The following DNAH12 variants were observed in gnomAD, a reference collection of about 807,000 sequenced individuals.
The protein encoded by DNAH12 is dynein axonemal heavy chain 12, also known as axonemal beta dynein heavy chain 12.
DNAH12 carries 285 observed loss-of-function variants against 371.5 expected under a neutral mutation model. The ratio of observed to expected loss-of-function variants is 0.77; its 90% confidence interval spans 0.70 to 0.85. The LOEUF is 0.85. Ranked by LOEUF, DNAH12 falls within the 40% of genes least tolerant of loss-of-function variation. DNAH12 has a pLI of 0.00. For synonymous variants in DNAH12, 1,200 were observed against 1,213.0 expected (o/e 0.99, Z 0.22); for missense variants, 3,611 against 3,689.4 (o/e 0.98, Z 0.55).
intron 37 of DNAH12, among the ~76,000 whole-genome samples, chr3:57,417,212 T>TGTGCCATC (rs1280500867): frequency 4.3e-5 from 5 of 117,548 alleles, no homozygotes; most frequent in African/African-American, 1.8e-4. Flanking sequence ...ATTGTGCCAT[T>TGTGCCATC]GCACTCCAGC....
At chr3:57,477,710 C>T (rs1168514698) in intron 13 of DNAH12, among the ~76,000 whole-genome samples, 2 of 152,146 alleles carry the variant, frequency 1.3e-5, no homozygotes, top group Admixed American at 6.5e-5. Context: ...CGGCCGGGTA[C>T]TCTTCTGAGA....
intron 37 of DNAH12, among the ~76,000 whole-genome samples, chr3:57,419,140 ACTTATGAGGCAG>A (rs2064484608): frequency 1.3e-5 from 2 of 152,226 alleles, no homozygotes; most frequent in Admixed American, 1.3e-4. Context: ...ATGTAAGGCA[ACTTATGAGGCAG>A]CAAAGTATGA....
chr3:57,315,118 C>T (rs2061658914), intron 65 of DNAH12, among the ~76,000 whole-genome samples: 1 of 151,920 alleles, frequency 6.6e-6, no homozygotes, highest in Admixed American at 6.6e-5. Context: ...GTGGCATCCC[C>T]GTGTCTGTGA....
intron 17 of DNAH12, among the ~76,000 whole-genome samples, chr3:57,463,898 AC>A (rs1324702793): frequency 1.7e-4 from 26 of 151,810 alleles, no homozygotes. Context: ...CTCCCAAGTA[AC>A]TGGGATTACA....
intron 29 of DNAH12, among the ~76,000 whole-genome samples, chr3:57,438,918 C>CAAAAAAAAAAA (rs57608649): frequency 0.082 from 7,639 of 93,498 alleles, 793 homozygotes; most frequent in African/African-American, 0.18. Flanking sequence ...CTGTCTCAGA[C>CAAAAAAAAAAA]AAAAAAAAAA....
chr3:57,434,384 G>A (rs746705400), intron 30 of DNAH12, among the ~76,000 whole-genome samples: 3 of 152,184 alleles, frequency 2.0e-5, no homozygotes, highest in Admixed American at 6.5e-5. Context: ...GACCCACAAC[G>A]TTGAGGTGGT....
In DNAH12 at chr3:57,403,345, C is replaced by T; in HGVS notation, c.6912G>A (p.Lys2304=). The T allele has an allele frequency of 6.4e-7, 1 of 1,550,976 alleles. No individual in the cohort carries two copies. Among genetic ancestry groups the T allele is most frequent in the Non-Finnish European group, 8.7e-7 (1 of 1,146,712 alleles). The change falls in exon 43 of 74, where the codon AAG becomes AAA. Residue 2304 remains lysine, a synonymous_variant. Transcript: ENST00000495027. The part of the protein sequence containing the change: ...KMHIFQPEIS[K]SYGMNEWRED... ...CTCTCCATTCATTCATACCATAGCT[C>T]TTAGAAATTTCTGGTTGGAAAATAT... is the stretch of plus-strand genomic sequence containing the variant.
rs776475351 is a variant in DNAH12 at position 57,471,499 on chromosome 3, T to C, written c.1884A>G (p.Glu628=). The part of the protein sequence containing the change: ...KESRRMEEFT[E]FAELERMQQY... ...GTTGCATGCGCTCCAGCTCTGCAAA[T>C]TCTGTAAACTCCTCCATGCGGCGTG... Residue 628 remains glutamate (E), a synonymous_variant, in exon 15 of 74, where the codon GAA becomes GAG. Coordinates refer to ENST00000495027, the MANE Select transcript of DNAH12 (RefSeq NM_001366028.2). 2.6e-6 allele frequency: 4 copies of C among 1,547,816 alleles called. No homozygotes were observed. Among genetic ancestry groups the C allele is most frequent in the Non-Finnish European group, 3.5e-6 (4 of 1,146,360 alleles).
Position 57,421,593 on chromosome 3 carries a change from G to T in DNAH12, c.5487C>A (p.Asn1829Lys). 1.3e-6 allele frequency: 2 copies of T among 1,551,542 alleles called. No individual in the cohort carries two copies. Among genetic ancestry groups the T allele is most frequent in the Non-Finnish European group, 8.7e-7 (1 of 1,146,980 alleles). ...RLIILGKDDE[N>K]PVPDSVGKWE... ...ATTTACCCACAGAATCTGGCACTGG[G>T]TTTTCATCATCTTTTCCCAGTATGA... The change falls in exon 36 of 74, where the codon AAC (asparagine) becomes AAA (lysine). Residue 1829 changes from asparagine to lysine, a missense_variant. Around this residue, in one of 3 missense-constraint regions of DNAH12, gnomAD observed 2,266 missense variants for 2,236.9 expected, o/e 1.01. Transcript: ENST00000495027.
At position 57,510,962 on chromosome 3, in the gene DNAH12, C is replaced by T; in HGVS notation, c.297G>A (p.Met99Ile). 1 of 1,600,364 alleles carries T rather than the reference C, an allele frequency of 6.2e-7. No homozygotes were observed. Among genetic ancestry groups the T allele is most frequent in the South Asian group, 1.1e-5 (1 of 87,996 alleles). ...MKKKGFNYIY[M>I]KQCVESSPLV... ...AAGGACTACTTTCTACACATTGCTT[C>T]ATATAAATATAGTTGAACTGAGAAC... Residue 99 changes from methionine (M) to isoleucine (I), a missense_variant, in exon 5 of 74, where the codon ATG becomes ATA. Around this residue, in one of 3 missense-constraint regions of DNAH12, gnomAD observed 1,314 missense variants for 1,398.7 expected, o/e 0.94. Transcript: ENST00000495027.
intron 60 of DNAH12, among the ~76,000 whole-genome samples, chr3:57,341,553 C>T (rs782581023): frequency 4.0e-5 from 6 of 151,878 alleles, no homozygotes; most frequent in African/African-American, 1.5e-4. Context: ...GGTGAAGGCT[C>T]TCTACAAGGA....
intron 30 of DNAH12, 94 bp downstream of exon 30, chr3:57,436,857 T>G: frequency 1.1e-6 from 1 of 896,534 alleles, no homozygotes; most frequent in South Asian, 2.2e-5. Flanking sequence ...TCAACTCACC[T>G]AATCAGTTTG....
At chr3:57,351,977 A>T in intron 60 of DNAH12, 108 bp downstream of exon 60, 1 of 1,142,348 alleles carries the variant, frequency 8.8e-7, no homozygotes, top group Non-Finnish European at 1.2e-6. Context: ...TAAAATCATG[A>T]CTTAAGCGAA....
chr3:57,375,310 C>T (rs2153338973), intron 55 of DNAH12, 61 bp downstream of exon 55: 1 of 152,158 alleles, frequency 6.6e-6, no homozygotes, highest in East Asian at 1.9e-4. Context: ...TTCAACGTTT[C>T]TATATGTTTG....
chr3:57,356,029 T>A (rs1359413738), intron 59 of DNAH12, among the ~76,000 whole-genome samples: 1 of 152,194 alleles, frequency 6.6e-6, no homozygotes, highest in Non-Finnish European at 1.5e-5. Context: ...GTTAACGAAT[T>A]TGCCTGTAGG....
At chr3:57,310,643 GAGA>G (rs1416798662) in intron 67 of DNAH12, 71 bp downstream of exon 67, 6 of 1,025,598 alleles carry the variant, frequency 5.9e-6, no homozygotes, top group Non-Finnish European at 7.3e-6. Flanking sequence ...CTATACATTA[GAGA>G]AGAACATTTC....
intron 73 of DNAH12, among the ~76,000 whole-genome samples, chr3:57,294,525 T>C (rs1308264796): frequency 6.6e-6 from 1 of 152,094 alleles, no homozygotes; most frequent in Non-Finnish European, 1.5e-5. Flanking sequence ...AAGACAGGAA[T>C]AGACTTTAAA....
intron 62 of DNAH12, among the ~76,000 whole-genome samples, chr3:57,324,043 C>T (rs1331023600): frequency 6.6e-6 from 1 of 152,132 alleles, no homozygotes; most frequent in Non-Finnish European, 1.5e-5. Context: ...TATGGATCTT[C>T]CAGATAATAT....
In DNAH12 at chr3:57,309,824, A is replaced by T; in HGVS notation, c.10927T>A (p.Phe3643Ile). 1 of 1,550,624 alleles carries T rather than the reference A, an allele frequency of 6.4e-7. No homozygotes were observed. The highest frequency in any genetic ancestry group is 8.7e-7 in the Non-Finnish European group (1 of 1,146,662). ...KLPFTQHPEI[F>I]GLHENVDISK... The stretch of plus-strand genomic sequence containing the variant: ...ATGTCAACGTTTTCATGTAATCCAA[A>T]TATCTCAGGGTGTTGAGTAAATGGA... Residue 3643 changes from phenylalanine (F) to isoleucine (I), a missense_variant, in exon 68 of 74, where the codon TTT (phenylalanine) becomes ATT (isoleucine). Physicochemically the swap from Phe to Ile is conservative, Grantham distance 21 (BLOSUM62 0). This residue lies in a region of DNAH12 where 2,266 missense variants were observed against 2,236.9 expected (regional missense o/e 1.01). Transcript: ENST00000495027.
Sources: gnomAD v4.1 joint callset for allele counts (sites outside exome capture counted in the v4.1 genomes callset) on GRCh38, gnomAD v4.1.1 for gene constraint, gnomAD v4.1.1 regional missense constraint, MANE v1.5 for transcripts, NCBI Gene and HGNC (gene_info 2026-07-23, HGNC 2026-07-21) for gene names.